The following TMEM217 variants were observed in gnomAD, a reference collection of about 807,000 sequenced individuals.
TMEM217 encodes the protein transmembrane protein 217, also known as chromosome 6 open reading frame 128.
For missense variants in TMEM217, 204 were observed against 248.8 expected (o/e 0.82, Z 1.21); for synonymous variants, 76 against 88.3 (o/e 0.86, Z 0.78).
intron 1 of TMEM217, among the ~76,000 whole-genome samples, chr6:37,246,651 C>T (rs1765099679): frequency 3.3e-5 from 5 of 152,078 alleles, no homozygotes; most frequent in Admixed American, 3.3e-4. Context: ...GTCTGTAACC[C>T]CGGCACTTTG....
chr6:37,218,363 G>T, exon 2 of TMEM217: 1 of 1,351,362 alleles, frequency 7.4e-7, no homozygotes, highest in Non-Finnish European at 1.0e-6. Flanking sequence ...TAGAGACGGG[G>T]TTTTGCCATG....
chr6:37,217,957 C>T (rs1763305491), exon 2 of TMEM217: 4 of 987,530 alleles, frequency 4.1e-6, no homozygotes, highest in Non-Finnish European at 4.8e-6. Context: ...TAAATACCCT[C>T]AATGAGCAGG....
chr6:37,257,807 G>A (rs1348444774), exon 1 of TMEM217: 3 of 1,216,556 alleles, frequency 2.5e-6, no homozygotes, highest in Non-Finnish European at 3.5e-6. Context: ...CTGGGAGCGG[G>A]TGACCGGCGG....
chr6:37,227,108 A>C (rs1433154912), intron 1 of TMEM217, among the ~76,000 whole-genome samples: 1 of 152,172 alleles, frequency 6.6e-6, no homozygotes, highest in Non-Finnish European at 1.5e-5. Flanking sequence ...AAACTGACTC[A>C]CTTGTCTTCA....
upstream of TMEM217, chr6:37,258,136 C>T (rs1281439641): frequency 3.8e-6 from 3 of 781,032 alleles, no homozygotes; most frequent in African/African-American, 5.4e-5. Flanking sequence ...GCGAAGCGAA[C>T]AGCGAGCTTT....
chr6:37,235,618 G>T (rs1583466363), intron 1 of TMEM217, among the ~76,000 whole-genome samples: 1 of 4,924 alleles, frequency 2.0e-4, no homozygotes, highest in South Asian at 0.021. Context: ...CGTCCACCTT[G>T]GCCTCCCAAA....
exon 1 of TMEM217, chr6:37,257,930 A>G: frequency 6.2e-7 from 1 of 1,614,036 alleles, no homozygotes; most frequent in Non-Finnish European, 8.5e-7. Flanking sequence ...GGCCGCTGAG[A>G]ACAGCAAGCA....
intron 1 of TMEM217, among the ~76,000 whole-genome samples, chr6:37,241,814 A>T (rs539571007): frequency 1.2e-4 from 18 of 152,322 alleles, no homozygotes; most frequent in East Asian, 9.6e-4. Context: ...TTAACTTTTT[A>T]AAAAAGTTAT....
At chr6:37,228,334 A>G (rs1763961379) in intron 1 of TMEM217, among the ~76,000 whole-genome samples, 2 of 152,226 alleles carry the variant, frequency 1.3e-5, no homozygotes, top group East Asian at 1.9e-4. Flanking sequence ...AATTTCCTTA[A>G]TAGGTTGTGC....
intron 1 of TMEM217, among the ~76,000 whole-genome samples, chr6:37,236,434 G>A (rs1764506655): frequency 6.6e-6 from 1 of 152,092 alleles, no homozygotes; most frequent in Admixed American, 6.6e-5. Context: ...TGCCCTCCCA[G>A]GTTCAATCCT....
chr6:37,249,761 T>C (rs909268953), intron 1 of TMEM217, among the ~76,000 whole-genome samples: 4 of 152,242 alleles, frequency 2.6e-5, no homozygotes, highest in African/African-American at 4.8e-5. Context: ...TGAAACCATG[T>C]TATAGGAAAC....
rs922969226 is a variant in TMEM217, at chr6:37,257,665, T to G, written c.-109A>C. 7 of 522,660 alleles carry G rather than the reference T, an allele frequency of 1.3e-5. No individual in the cohort carries two copies. The highest frequency in any genetic ancestry group is 2.4e-5 in the Non-Finnish European group (7 of 293,776). The allele number at this position is 522,660 out of a possible 1,614,324, so 32.4% of individuals were successfully genotyped here. ...CCACCTGTGTGCCCAGCCCCTGACG[T>G]TACCGGTCGGCTTCAGCGGCCTGCA... On this transcript the variant is annotated 5_prime_UTR_variant, in exon 1 of 2. The change abolishes the stop of an existing upstream ORF in the 5' untranslated region. Coordinates refer to ENST00000357219, the Ensembl canonical transcript of TMEM217.
At chr6:37,239,066 A>T (rs752057198) in intron 1 of TMEM217, among the ~76,000 whole-genome samples, 47 of 152,200 alleles carry the variant, frequency 3.1e-4, no homozygotes, top group Non-Finnish European at 4.7e-4. Context: ...AGAGGTGGAG[A>T]GGTTGCAGTG....
At chr6:37,256,284 A>G (rs1765721026) in intron 1 of TMEM217, among the ~76,000 whole-genome samples, 1 of 152,166 alleles carries the variant, frequency 6.6e-6, no homozygotes, top group Non-Finnish European at 1.5e-5. Flanking sequence ...GTTTTAGATT[A>G]CTCTTTCAAG....
chr6:37,214,202 G>A (rs948092741), downstream of TMEM217, among the ~76,000 whole-genome samples: 23 of 152,224 alleles, frequency 1.5e-4, no homozygotes, highest in Middle Eastern at 3.4e-3. Flanking sequence ...CAAGCATATC[G>A]CTATCCATCT....
chr6:37,216,765 G>C (rs111340953), downstream of TMEM217, among the ~76,000 whole-genome samples: 2 of 152,284 alleles, frequency 1.3e-5, no homozygotes, highest in African/African-American at 4.8e-5. Flanking sequence ...GGAGGTGATT[G>C]AATCATAGGG....
intron 1 of TMEM217, among the ~76,000 whole-genome samples, chr6:37,239,188 C>T (rs1473734053): frequency 6.6e-6 from 1 of 151,686 alleles, no homozygotes; most frequent in African/African-American, 2.4e-5. Flanking sequence ...GATAAGCATA[C>T]AATAAAAATT....
chr6:37,229,569 C>G (rs1203700062), intron 1 of TMEM217, among the ~76,000 whole-genome samples: 2 of 152,006 alleles, frequency 1.3e-5, no homozygotes, highest in South Asian at 2.1e-4. Context: ...GTCTCGATCT[C>G]CTGACCTCGT....
At chr6:37,228,254 A>G (rs1361962011) in intron 1 of TMEM217, among the ~76,000 whole-genome samples, 2 of 152,202 alleles carry the variant, frequency 1.3e-5, no homozygotes, top group Admixed American at 1.3e-4. Context: ...AGAAAGAAAA[A>G]GTTACTAGGG....
Sources: gnomAD v4.1 joint callset for allele counts (sites outside exome capture counted in the v4.1 genomes callset) on GRCh38, gnomAD v4.1.1 for gene constraint, MANE v1.5 for transcripts, NCBI Gene and HGNC (gene_info 2026-07-23, HGNC 2026-07-21) for gene names.